Variants in CCNI observed in about 807,000 individuals in gnomAD.
CCNI encodes cyclin-I.
CCNI carries 14 observed loss-of-function variants against 34.1 expected under a neutral mutation model. That is an observed-to-expected ratio of 0.41 (90% CI 0.27 to 0.64). The LOEUF (loss-of-function observed/expected upper bound fraction) is 0.64, where lower values mean the gene tolerates loss of function less well. Among genes scored for constraint, CCNI ranks in the 30% least tolerant of loss-of-function variants. The pLI is 0.31. For missense variants in CCNI, 385 were observed against 440.5 expected (o/e 0.87, Z 1.13); for synonymous variants, 154 against 158.4 (o/e 0.97, Z 0.21).
chr4:77,066,241 A>T lies in CCNI; in HGVS notation c.114+8T>A. ...AAAATTCATCTGTCTTAAGAGAAAA[A>T]TCATTACCTGATTTGAAGGCATTTT... On this transcript the variant is annotated splice_region_variant and intron_variant, in intron 2 of 6. Coordinates refer to ENST00000237654, the MANE Select transcript of CCNI (RefSeq NM_006835.3). The T allele has an allele frequency of 6.2e-7, 1 of 1,611,794 alleles. No homozygotes were observed. Among genetic ancestry groups the T allele is most frequent in the Non-Finnish European group, 8.5e-7 (1 of 1,178,076 alleles).
intron 3 of CCNI, 123 bp downstream of exon 3, chr4:77,058,384 T>C (rs1320065535): frequency 4.7e-6 from 3 of 644,716 alleles, no homozygotes; most frequent in Non-Finnish European, 7.8e-6. Flanking sequence ...TATGGGTACA[T>C]ACATCATTCT....
At chr4:77,055,015 T>C (rs1213171880) in intron 6 of CCNI, 135 bp downstream of exon 6, 21 of 589,052 alleles carry the variant, frequency 3.6e-5, no homozygotes, top group Non-Finnish European at 6.0e-5. Context: ...ATTTAAAATA[T>C]ATACTTTACT....
In CCNI at chr4:77,066,383, G is replaced by A. The variant is rs753262401; in HGVS notation, c.-21C>T. 5.6e-6 allele frequency: 9 copies of A among 1,613,224 alleles called. No individual in the cohort carries two copies. The highest frequency in any genetic ancestry group is 1.3e-5 in the African/African-American group (1 of 74,882). ...TTCATGATATCCTTTGGATCTGCCT[G>A]CTACCCAGCTTGCTGTAGCTACCTA... On this transcript the variant is annotated 5_prime_UTR_variant, in exon 2 of 7. Transcript: ENST00000237654.
chr4:77,067,068 C>A (rs1445979238), intron 1 of CCNI, among the ~76,000 whole-genome samples: 2 of 152,190 alleles, frequency 1.3e-5, no homozygotes, highest in African/African-American at 2.4e-5. Flanking sequence ...CCCATCACTA[C>A]TGAAAATACA....
intron 6 of CCNI, among the ~76,000 whole-genome samples, chr4:77,048,970 T>G (rs900040008): frequency 7.0e-6 from 1 of 142,734 alleles, no homozygotes; most frequent in African/African-American, 2.6e-5. Context: ...CTGTTTTTTT[T>G]TTTTTTTTTT....
At chr4:77,065,432 T>C (rs1360646805) in intron 2 of CCNI, among the ~76,000 whole-genome samples, 1 of 152,200 alleles carries the variant, frequency 6.6e-6, no homozygotes, top group African/African-American at 2.4e-5. Context: ...TAATTATATA[T>C]GACAGAAGTA....
chr4:77,060,044 A>G (rs1227605474), intron 2 of CCNI, among the ~76,000 whole-genome samples: 1 of 152,142 alleles, frequency 6.6e-6, no homozygotes, highest in Non-Finnish European at 1.5e-5. Context: ...AGCTATGAAA[A>G]CAAGAACACC....
chr4:77,053,961 C>CA (rs561161943), intron 6 of CCNI, among the ~76,000 whole-genome samples: 14 of 152,050 alleles, frequency 9.2e-5, no homozygotes, highest in Non-Finnish European at 1.9e-4. Context: ...CCCTTCAAAA[C>CA]AAAAAACAGC....
At chr4:77,057,296 C>T (rs1275192989) in intron 3 of CCNI, among the ~76,000 whole-genome samples, 1 of 152,176 alleles carries the variant, frequency 6.6e-6, no homozygotes, top group African/African-American at 2.4e-5. Context: ...TAGTTTCTAT[C>T]ATGAGTTTCT....
intron 5 of CCNI, among the ~76,000 whole-genome samples, chr4:77,055,672 G>A (rs956565926): frequency 6.6e-6 from 1 of 151,994 alleles, no homozygotes; most frequent in Non-Finnish European, 1.5e-5. Flanking sequence ...TCACCATGTT[G>A]GCCAGGCTGG....
chr4:77,048,129 A>T lies in CCNI; in HGVS notation c.*90T>A. On this transcript the variant is annotated 3_prime_UTR_variant, in exon 7 of 7. Transcript: ENST00000237654. ...ACTCCAAATCAGCCTGTTAAGGTATATTTCCTTCTACAGCCTTTCCTGATT... is the reference window on the plus strand; with the variant it reads ...ACTCCAAATCAGCCTGTTAAGGTATTTTTCCTTCTACAGCCTTTCCTGATT... 1 of 950,128 alleles carries T rather than the reference A, an allele frequency of 1.1e-6. No individual in the cohort carries two copies. The allele number at this position is 950,128 out of a possible 1,614,324, so 58.9% of individuals were successfully genotyped here. A position where few individuals can be genotyped will look rare whatever the true frequency, so the allele number is the denominator to read the frequency against.
chr4:77,049,119 A>T lies in CCNI; in HGVS notation c.691-457T>A, dbSNP rs570327859. 1.4e-4 allele frequency among the ~76,000 whole-genome samples: 21 copies of T among 151,914 alleles called. No individual in the cohort carries two copies. The South Asian group carries it at 1.9e-3, about 14-fold the overall frequency. On this transcript the variant is annotated intron_variant, in intron 6 of 6. Coordinates refer to ENST00000237654, the MANE Select transcript of CCNI (RefSeq NM_006835.3). ...TAAGAAGCCAAAGGGCAAAAAAAAA[A>T]TTTTTTTTAATCAGGGATGAGGAGG...
chr4:77,071,738 A>T (rs4252798), intron 1 of CCNI, among the ~76,000 whole-genome samples: 3,103 of 152,288 alleles, frequency 0.02, 110 homozygotes, highest in African/African-American at 0.07. Flanking sequence ...CTAAATTGGC[A>T]ATTTTAGATG....
chr4:77,060,484 G>A (rs1398028595), intron 2 of CCNI, among the ~76,000 whole-genome samples: 1 of 152,064 alleles, frequency 6.6e-6, no homozygotes, highest in African/African-American at 2.4e-5. Flanking sequence ...TTGAGACAGG[G>A]TCTTGCTCTG....
intron 1 of CCNI, among the ~76,000 whole-genome samples, chr4:77,072,543 GGGA>G (rs1383561569): frequency 6.6e-6 from 1 of 150,474 alleles, no homozygotes; most frequent in Non-Finnish European, 1.5e-5. Context: ...AGACTCAGGT[GGGA>G]GGATTACGTA....
rs890432392 is a variant in CCNI at position 77,047,189 on chromosome 4, T to C, written c.*1030A>G. On this transcript the variant is annotated 3_prime_UTR_variant, in exon 7 of 7. Coordinates refer to ENST00000237654, the MANE Select transcript of CCNI (RefSeq NM_006835.3). ...ACTTTTTATTGCTACCAGAGGCTTT[T>C]ATCATCAGTACACAGTTCTGACTGC... 6.6e-6 allele frequency: 1 copy of C among 152,246 alleles called. No individual in the cohort carries two copies. Among genetic ancestry groups the C allele is most frequent in the African/African-American group, 2.4e-5 (1 of 41,466 alleles). The allele number at this position is 152,246 out of a possible 1,614,324, so 9.4% of individuals were successfully genotyped here.
At chr4:77,062,490 A>G (rs753749384) in intron 2 of CCNI, among the ~76,000 whole-genome samples, 7 of 152,036 alleles carry the variant, frequency 4.6e-5, no homozygotes, top group Non-Finnish European at 1.0e-4. Context: ...AGCCTGGGAA[A>G]TAGAGGCTGT....
In CCNI at chr4:77,075,463, G is replaced by GC; in HGVS notation, c.-44+8dup. On this transcript the variant is annotated intron_variant, in intron 1 of 6. Coordinates refer to ENST00000237654, the MANE Select transcript of CCNI (RefSeq NM_006835.3). ...GCGTCGAGCCCCCGCCCCCGCCCCCGCCCCTCACCTTCTCCTCCTCTTCCT... is the reference window on the plus strand; with the variant it reads ...GCGTCGAGCCCCCGCCCCCGCCCCCGCCCCCTCACCTTCTCCTCCTCTTCCT... 2.1e-5 allele frequency: 7 copies of GC among 332,294 alleles called. No individual in the cohort carries two copies. Among genetic ancestry groups the GC allele is most frequent in the Non-Finnish European group, 2.6e-5 (6 of 234,020 alleles). 20.6% of individuals were successfully genotyped at this position (332,294 alleles called of 1,614,324 possible).
intron 1 of CCNI, among the ~76,000 whole-genome samples, chr4:77,067,420 T>C (rs903505983): frequency 1.3e-5 from 2 of 152,110 alleles, no homozygotes; most frequent in Non-Finnish European, 2.9e-5. Context: ...CACTCTAAAA[T>C]GAGCAGCATG....
Sources: allele counts gnomAD v4.1 joint callset (sites outside exome capture counted in the v4.1 genomes callset), GRCh38; gene constraint gnomAD v4.1.1; transcripts MANE v1.5; gene names NCBI Gene and HGNC (gene_info 2026-07-23, HGNC 2026-07-21).